RIC1: variants seen among roughly 807,000 people sequenced by gnomAD.
RIC1 encodes the protein RIC1 partner of RAB6A GEF complex, also known as guanine nucleotide exchange factor subunit RIC1.
In RIC1, 88 loss-of-function variants were observed where a neutral mutation model predicts 169.0. The ratio of observed to expected loss-of-function variants is 0.52; its 90% confidence interval spans 0.44 to 0.62. RIC1 has a LOEUF of 0.62. RIC1 is among the 20% of genes least tolerant of loss of function. RIC1 has a pLI of 0.00. For missense variants in RIC1, 1,877 were observed against 1,725.5 expected, an observed-to-expected ratio of 1.09 and a Z score of -1.56; for synonymous variants, 790 against 601.5, an observed-to-expected ratio of 1.31 and a Z score of -4.59.
intron 3 of RIC1, among the ~76,000 whole-genome samples, chr9:5,705,235 A>G (rs1159813642): frequency 7.3e-6 from 1 of 136,954 alleles, no homozygotes; most frequent in Non-Finnish European, 1.5e-5. Context: ...GGATTTTGGT[A>G]GAAATTGCAT....
rs116248724 is a variant in RIC1 at position 5,696,613 on chromosome 9, A to T, written c.332+6575A>T. 7.3e-3 allele frequency among the ~76,000 whole-genome samples: 1,119 copies of T among 152,276 alleles called. 14 individuals are homozygous for T. The highest frequency in any genetic ancestry group is 0.025 in the African/African-American group (1,056 of 41,538). ...TACCTTCTTACTTAAAAAAAAATCCAACAATGAGAGATCTATAAAGATAAA... is the reference window on the plus strand; with the variant it reads ...TACCTTCTTACTTAAAAAAAAATCCTACAATGAGAGATCTATAAAGATAAA... On this transcript the variant is annotated intron_variant, in intron 3 of 25. Coordinates refer to ENST00000414202, the MANE Select transcript of RIC1 (RefSeq NM_020829.4).
chr9:5,667,183 G>C (rs1819825106), intron 2 of RIC1, among the ~76,000 whole-genome samples: 1 of 152,084 alleles, frequency 6.6e-6, no homozygotes. Flanking sequence ...TTAGCCAGGT[G>C]AGTTGGCACA....
rs78174217 is a variant in RIC1 at position 5,745,641 on chromosome 9, C to T, written c.1096-290C>T. On this transcript the variant is annotated intron_variant, in intron 10 of 25. Coordinates refer to ENST00000414202, the MANE Select transcript of RIC1 (RefSeq NM_020829.4). Reference sequence around the variant, plus strand: ...CTAAATTAAAGCAATAGAGAAGTTACAGAGCACAGTAGGTATTTTTAGGAT... The same window carrying T: ...CTAAATTAAAGCAATAGAGAAGTTATAGAGCACAGTAGGTATTTTTAGGAT... Among the ~76,000 whole-genome samples, 1,370 of 152,212 alleles carry T rather than the reference C, an allele frequency of 9.0e-3. 31 individuals carry two copies. Among genetic ancestry groups the T allele is most frequent in the Admixed American group, 0.037 (569 of 15,290 alleles).
At chr9:5,773,440 C>G (rs1827366701) in intron 25 of RIC1, among the ~76,000 whole-genome samples, 3 of 152,126 alleles carry the variant, frequency 2.0e-5, no homozygotes, top group Admixed American at 1.3e-4. Flanking sequence ...TGAAAAGATT[C>G]AAACTTAAGG....
chr9:5,754,671 C>CA (rs1825900440), intron 14 of RIC1, among the ~76,000 whole-genome samples, 170 bp from the exon 15 acceptor site: 1 of 152,116 alleles, frequency 6.6e-6, no homozygotes, highest in African/African-American at 2.4e-5. Flanking sequence ...GCGGAGGTTG[C>CA]AGGGAGCTGA....
At chr9:5,665,517 A>C (rs982689892) in intron 2 of RIC1, among the ~76,000 whole-genome samples, 1 of 151,450 alleles carries the variant, frequency 6.6e-6, no homozygotes, top group Admixed American at 6.6e-5. Context: ...GAGAATAGGC[A>C]CTCTGGTTTT....
intron 1 of RIC1, among the ~76,000 whole-genome samples, chr9:5,652,284 T>C (rs1192783374): frequency 2.6e-5 from 4 of 152,234 alleles, no homozygotes. Flanking sequence ...ACATTGGATC[T>C]GTAGATCACT....
In RIC1 at chr9:5,769,130, C is replaced by G; in HGVS notation, c.3298C>G (p.Arg1100Gly). Residue 1100 changes from arginine to glycine, a missense_variant, in exon 22 of 26, where the codon CGA (arginine) becomes GGA (glycine). Arg to Gly is a moderately radical substitution (Grantham distance 125, BLOSUM62 -2). This residue lies in a region of RIC1 where 681 missense variants were observed against 582.0 expected (regional missense o/e 1.17). Transcript: ENST00000414202. Reference protein sequence around the residue: ...LISWLCKERTRAARVDNFVIA... With the variant: ...LISWLCKERTGAARVDNFVIA... ...TAGTTGGCTATGCAAGGAACGTACC[C>G]GAGCCGCCCGGGTAGACAACTTTGT... is the stretch of plus-strand genomic sequence containing the variant. 1 of 1,614,104 alleles carries G rather than the reference C, an allele frequency of 6.2e-7. No individual in the cohort carries two copies. The highest frequency in any genetic ancestry group is 8.5e-7 in the Non-Finnish European group (1 of 1,179,970).
chr9:5,742,857 AT>A lies in RIC1; in HGVS notation c.902-9del. On this transcript the variant is annotated splice_polypyrimidine_tract_variant and intron_variant, in intron 8 of 25. Coordinates refer to ENST00000414202, the MANE Select transcript of RIC1 (RefSeq NM_020829.4). ...CTATTTATTTTTAACTCTTCTCACT[AT>A]TTCCTAACAGACATTTGGAATAAAA... 2 of 1,607,618 alleles carry A rather than the reference AT, an allele frequency of 1.2e-6. No individual in the cohort carries two copies. Among genetic ancestry groups the A allele is most frequent in the Non-Finnish European group, 1.7e-6 (2 of 1,176,328 alleles).
At chr9:5,721,623 C>G (rs1247539397) in intron 6 of RIC1, among the ~76,000 whole-genome samples, 1 of 152,182 alleles carries the variant, frequency 6.6e-6, no homozygotes, top group Non-Finnish European at 1.5e-5. Context: ...GACAAGGAGT[C>G]CCATCTTTCA....
rs1826460377 is a variant in RIC1 at position 5,763,290 on chromosome 9, A to G, written c.2263A>G (p.Arg755Gly). ...GAAAGTTTGGCTCCCTCTCTTCCCT[A>G]GGGATCACCGCAAGCCCCATTCCTT... ...GMKVWLPLFPRDHRKPHSFLS... is the reference protein window; with the variant it reads ...GMKVWLPLFPGDHRKPHSFLS... The change falls in exon 19 of 26, where the codon AGG becomes GGG. Residue 755 changes from arginine to glycine, a missense_variant. Physicochemically the swap from Arg to Gly is moderately radical, Grantham distance 125. This residue lies in a region of RIC1 where 1,104 missense variants were observed against 992.0 expected (regional missense o/e 1.11). Transcript: ENST00000414202. This position sits in a 1 kb window ranked among gnomAD's most constrained non-coding sequence, Gnocchi z 5.2. 6.2e-7 allele frequency: 1 copy of G among 1,614,030 alleles called. No homozygotes were observed. Among genetic ancestry groups the G allele is most frequent in the East Asian group, 2.2e-5 (1 of 44,896 alleles).
At chr9:5,758,140 A>C (rs574405167) in intron 17 of RIC1, among the ~76,000 whole-genome samples, 29 of 152,308 alleles carry the variant, frequency 1.9e-4, no homozygotes, top group African/African-American at 6.7e-4. Context: ...GGAAAGAAGT[A>C]GAATGAGTAT....
chr9:5,739,810 T>C (rs556649366), intron 8 of RIC1, among the ~76,000 whole-genome samples: 167 of 152,260 alleles, frequency 1.1e-3, no homozygotes, highest in African/African-American at 3.7e-3. Flanking sequence ...TCAGTGAATC[T>C]AGCTTCATCA....
chr9:5,738,531 G>A lies in RIC1; in HGVS notation c.894G>A (p.Gln298=), dbSNP rs757916783. 6 of 1,130,804 alleles carry A rather than the reference G, an allele frequency of 5.3e-6. No homozygotes were observed. Among genetic ancestry groups the A allele is most frequent in the Non-Finnish European group, 5.1e-6 (4 of 782,258 alleles). The allele number at this position is 1,130,804 out of a possible 1,614,324, so 70.0% of individuals were successfully genotyped here. A position where few individuals can be genotyped will look rare whatever the true frequency, so the allele number is the denominator to read the frequency against. ...ATAAATTAGAGCTAACAGCAAAACA[G>A]TATCCTGGTGAGTCTTTTTTTTTTT... ...LSHKLELTAK[Q]YPDIWNKTGA... The change falls in exon 8 of 26, where the codon CAG becomes CAA. Residue 298 remains glutamine (Q), a synonymous_variant. Transcript: ENST00000414202.
intron 6 of RIC1, among the ~76,000 whole-genome samples, chr9:5,722,468 C>G (rs1823665835): frequency 6.6e-6 from 1 of 151,392 alleles, no homozygotes; most frequent in Non-Finnish European, 1.5e-5. Context: ...GTAAATATTT[C>G]TTCACATAAA....
chr9:5,659,590 A>G (rs1819325616), intron 2 of RIC1, among the ~76,000 whole-genome samples: 1 of 152,158 alleles, frequency 6.6e-6, no homozygotes, highest in Admixed American at 6.6e-5. Context: ...TAGAGACTGC[A>G]TTGAATCTGT....
At chr9:5,668,449 C>T (rs1009331367) in intron 2 of RIC1, among the ~76,000 whole-genome samples, 6 of 152,134 alleles carry the variant, frequency 3.9e-5, no homozygotes, top group African/African-American at 9.7e-5. Context: ...TGTATATTCA[C>T]GGATTTCATT....
chr9:5,713,978 C>G lies in RIC1; in HGVS notation c.415C>G (p.Leu139Val). The change falls in exon 4 of 26, where the codon CTG becomes GTG. Residue 139 changes from leucine (L) to valine (V), a missense_variant. Transcript: ENST00000414202. ...ATTAAATTTGGAGATGAGGAAAATA[C>G]TGGATTTACAAGCACCCATCATGAG... ...PALNLEMRKI[L>V]DLQAPIMSLQ... 1.2e-6 allele frequency: 2 copies of G among 1,612,158 alleles called. No homozygotes were observed. The highest frequency in any genetic ancestry group is 1.7e-6 in the Non-Finnish European group (2 of 1,178,786).
At chr9:5,665,641 T>A (rs1275411447) in intron 2 of RIC1, among the ~76,000 whole-genome samples, 1 of 152,166 alleles carries the variant, frequency 6.6e-6, no homozygotes, top group Non-Finnish European at 1.5e-5. Context: ...TCTTTTTTGT[T>A]GATATTGTTG....
Sources: allele counts gnomAD v4.1 joint callset (sites outside exome capture counted in the v4.1 genomes callset), GRCh38; gene constraint gnomAD v4.1.1; regional missense constraint gnomAD v4.1.1; non-coding constraint Gnocchi (gnomAD v3.1); transcripts MANE v1.5; gene names NCBI Gene and HGNC (gene_info 2026-07-23, HGNC 2026-07-21).